Variants in PDE1C observed in about 807,000 individuals in gnomAD.
The protein encoded by PDE1C is phosphodiesterase 1C.
In PDE1C, 62 loss-of-function variants were observed where a neutral mutation model predicts 93.1. The observed-to-expected ratio is 0.67, with a 90% CI of 0.54 to 0.82. The LOEUF is 0.82. Among genes scored for constraint, PDE1C ranks in the 40% least tolerant of loss-of-function variants. The pLI, the probability that PDE1C is intolerant of heterozygous loss-of-function variation, is 0.00. For synonymous variants in PDE1C, 325 were observed against 310.1 expected, an observed-to-expected ratio of 1.05 and a Z score of -0.50; for missense variants, 742 against 884.6, an observed-to-expected ratio of 0.84 and a Z score of 2.04.
the PDE1C span, among the ~76,000 whole-genome samples, chr7:31,633,193 G>T: frequency 1.3e-5 from 2 of 152,184 alleles, no homozygotes; most frequent in South Asian, 4.1e-4. Context: ...CCAGGTCTGG[G>T]GAGATTTACG....
chr7:32,083,035 T>G (rs1796811679), intron 3 of PDE1C, among the ~76,000 whole-genome samples: 1 of 151,388 alleles, frequency 6.6e-6, no homozygotes, highest in South Asian at 2.1e-4. Flanking sequence ...GAAGAAGGCT[T>G]CAGACGATCA....
intron 2 of PDE1C, among the ~76,000 whole-genome samples, chr7:31,964,573 T>G (rs1192456439): frequency 6.6e-6 from 1 of 152,232 alleles, no homozygotes; most frequent in Non-Finnish European, 1.5e-5. Flanking sequence ...CTCTGCAGAC[T>G]TGAATGTCCC....
At chr7:31,892,261 G>A (rs888281466) in intron 2 of PDE1C, among the ~76,000 whole-genome samples, 2 of 152,174 alleles carry the variant, frequency 1.3e-5, no homozygotes, top group African/African-American at 2.4e-5. Context: ...ACTTTGGAGA[G>A]CATCCAGTGA....
chr7:32,047,613 G>A (rs1351517526), intron 2 of PDE1C, among the ~76,000 whole-genome samples: 1 of 152,054 alleles, frequency 6.6e-6, no homozygotes, highest in Non-Finnish European at 1.5e-5. Flanking sequence ...ATTCCCTTGG[G>A]CTACCAAAAT....
intron 1 of PDE1C, among the ~76,000 whole-genome samples, chr7:32,310,262 T>A (rs928244930): frequency 2.6e-5 from 4 of 151,630 alleles, no homozygotes; most frequent in Admixed American, 2.6e-4. Flanking sequence ...AAGTCCTGAG[T>A]GACCTACAAA....
chr7:32,152,966 G>T (rs1054793741), intron 3 of PDE1C, among the ~76,000 whole-genome samples: 1 of 152,150 alleles, frequency 6.6e-6, no homozygotes, highest in Non-Finnish European at 1.5e-5. Flanking sequence ...TCATTTATCA[G>T]CAGTCTACAG....
chr7:31,925,640 G>T (rs761221944), intron 2 of PDE1C, among the ~76,000 whole-genome samples: 1 of 152,240 alleles, frequency 6.6e-6, no homozygotes, highest in Non-Finnish European at 1.5e-5. Context: ...TAGGGTGGAA[G>T]GGAGACAATT....
At chr7:32,163,080 A>T (rs967713680) in intron 3 of PDE1C, among the ~76,000 whole-genome samples, 4 of 152,236 alleles carry the variant, frequency 2.6e-5, no homozygotes, top group Non-Finnish European at 5.9e-5. Flanking sequence ...GGATTTGCAA[A>T]GACTAAAGGT....
At chr7:32,038,985 C>A (rs901053678) in intron 2 of PDE1C, among the ~76,000 whole-genome samples, 1 of 152,150 alleles carries the variant, frequency 6.6e-6, no homozygotes, top group African/African-American at 2.4e-5. Flanking sequence ...AGATGTAAAG[C>A]AAACAGGTGA....
the PDE1C span, chr7:31,656,511 TCTTC>T: frequency 1.1e-6 from 1 of 949,068 alleles, no homozygotes. Context: ...GTAATTACTG[TCTTC>T]CTTCTGTTGA....
chr7:31,736,423 A>T, the PDE1C span, among the ~76,000 whole-genome samples: 2 of 152,028 alleles, frequency 1.3e-5, no homozygotes, highest in Admixed American at 6.5e-5. Flanking sequence ...TACTGGATCC[A>T]CCCCACACCT....
intron 1 of PDE1C, among the ~76,000 whole-genome samples, chr7:32,420,651 G>T (rs998389224): frequency 6.6e-6 from 1 of 151,776 alleles, no homozygotes; most frequent in African/African-American, 2.4e-5. Context: ...CAAGTAATGT[G>T]AAAACTGTGC....
intron 2 of PDE1C, among the ~76,000 whole-genome samples, chr7:31,921,285 C>A (rs1802591592): frequency 6.6e-6 from 1 of 152,154 alleles, no homozygotes; most frequent in Non-Finnish European, 1.5e-5. Context: ...AGGTCTCATG[C>A]AGATTGTTTG....
At chr7:31,699,173 A>G in the PDE1C span, among the ~76,000 whole-genome samples, 1 of 152,002 alleles carries the variant, frequency 6.6e-6, no homozygotes, top group Non-Finnish European at 1.5e-5. Context: ...CAGAAAGAGG[A>G]AAGGTTCTGA....
chr7:32,383,584 T>C lies in PDE1C; in HGVS notation c.310+44238A>G, dbSNP rs554902781. On this transcript the variant is annotated intron_variant, in intron 1 of 1. Coordinates refer to the PDE1C transcript ENST00000672256. ...GAAAAGACCAGGAAAGACTGTTCTA[T>C]GTTAGAGACAGTTGCCTTTTGAATG... 2.1e-4 allele frequency among the ~76,000 whole-genome samples: 32 copies of C among 152,328 alleles called. No individual in the cohort carries two copies. In the South Asian group the frequency reaches 6.6e-3, roughly 32 times the overall value.
chr7:31,963,375 G>T (rs74908454), intron 2 of PDE1C, among the ~76,000 whole-genome samples: 11,500 of 152,178 alleles, frequency 0.076, 591 homozygotes, highest in Middle Eastern at 0.15. Context: ...GGGATGAAAT[G>T]ATTTTCATCT....
At chr7:32,036,209 TA>T (rs1421539507) in intron 2 of PDE1C, among the ~76,000 whole-genome samples, 3 of 152,190 alleles carry the variant, frequency 2.0e-5, no homozygotes, top group Non-Finnish European at 4.4e-5. Context: ...AAGAGCCATC[TA>T]AACTACCAGG....
the PDE1C span, among the ~76,000 whole-genome samples, chr7:31,717,310 A>G: frequency 1.3e-5 from 2 of 152,262 alleles, no homozygotes; most frequent in Admixed American, 1.3e-4. Context: ...TCAAGATCAC[A>G]GAACAACGGT....
At chr7:32,218,800 C>T (rs919614594) in intron 1 of PDE1C, among the ~76,000 whole-genome samples, 4 of 152,164 alleles carry the variant, frequency 2.6e-5, no homozygotes, top group African/African-American at 7.2e-5. Flanking sequence ...TCCCTGATCC[C>T]GCTTTCCAAA....
Sources: allele counts gnomAD v4.1 joint callset (sites outside exome capture counted in the v4.1 genomes callset), GRCh38; gene constraint gnomAD v4.1.1; transcripts MANE v1.5; gene names NCBI Gene and HGNC (gene_info 2026-07-23, HGNC 2026-07-21).